The following SLC2A13 variants were observed in gnomAD, a reference collection of about 807,000 sequenced individuals.
The protein encoded by SLC2A13 is proton myo-inositol cotransporter.
Under a neutral mutation model 64.4 loss-of-function variants are expected in SLC2A13, and 32 were observed. The ratio of observed to expected loss-of-function variants is 0.50; its 90% confidence interval spans 0.37 to 0.67. SLC2A13 has a LOEUF of 0.67. Among genes scored for constraint, SLC2A13 ranks in the 30% least tolerant of loss-of-function variants. The pLI is 0.00. For synonymous variants in SLC2A13, 338 were observed against 327.1 expected (o/e 1.03, Z -0.36); for missense variants, 743 against 829.2 (o/e 0.90, Z 1.28).
intron 4 of SLC2A13, chr12:39,950,052 G>A (rs73278698): frequency 1.7e-3 from 261 of 152,250 alleles, no homozygotes; most frequent in African/African-American, 6.0e-3. Flanking sequence ...ATGTAGTCTC[G>A]AAAGTTGAAG....
At chr12:39,952,798 G>A (rs536991363) in intron 3 of SLC2A13, among the ~76,000 whole-genome samples, 2 of 152,278 alleles carry the variant, frequency 1.3e-5, no homozygotes, top group African/African-American at 4.8e-5. Flanking sequence ...GAAAGACTGT[G>A]TGAAACAGGT....
chr12:39,918,115 A>G (rs1042812761), intron 4 of SLC2A13, among the ~76,000 whole-genome samples: 1 of 152,110 alleles, frequency 6.6e-6, no homozygotes, highest in African/African-American at 2.4e-5. Context: ...TTGTACATCT[A>G]GATAATACTG....
At chr12:39,817,159 A>G (rs1259959734) in intron 7 of SLC2A13, among the ~76,000 whole-genome samples, 1 of 152,236 alleles carries the variant, frequency 6.6e-6, no homozygotes, top group African/African-American at 2.4e-5. Flanking sequence ...ATTGGGAAAA[A>G]GTGTACTAAT....
chr12:40,058,082 T>TAGATAGATAGATAGAC (rs1555158651), intron 1 of SLC2A13, among the ~76,000 whole-genome samples: 5 of 151,192 alleles, frequency 3.3e-5, no homozygotes, highest in African/African-American at 1.2e-4. Context: ...GATAGATAGA[T>TAGATAGATAGATAGAC]AGATAGATTG....
intron 9 of SLC2A13, among the ~76,000 whole-genome samples, chr12:39,762,806 A>G (rs1192988838): frequency 1.3e-5 from 2 of 152,076 alleles, no homozygotes; most frequent in Non-Finnish European, 2.9e-5. Context: ...AGTAGACCAA[A>G]TGGACCAGTG....
intron 6 of SLC2A13, among the ~76,000 whole-genome samples, chr12:39,837,637 T>A (rs997801407): frequency 6.5e-4 from 97 of 149,442 alleles, no homozygotes; most frequent in Admixed American, 1.0e-3. Flanking sequence ...CTCCAACAAA[T>A]TTACAAGAAA....
chr12:39,795,505 C>G (rs1941545090), intron 7 of SLC2A13, among the ~76,000 whole-genome samples: 1 of 152,142 alleles, frequency 6.6e-6, no homozygotes, highest in Admixed American at 6.6e-5. Flanking sequence ...CAGCTGATGA[C>G]TGGGTGTTTC....
chr12:39,971,997 A>AAATATATATATATATATATATAT lies in SLC2A13; in HGVS notation c.926-20633_926-20632insATATATATATATATATATATATT, dbSNP rs1375405006. On this transcript the variant is annotated intron_variant, in intron 3 of 9. Transcript: ENST00000280871. Reference sequence around the variant, plus strand: ...GAGTGTCTCCAGAAAAAAAAAAAAAAATATATATATATATATATTTTTTTT... The same window carrying AAATATATATATATATATATATAT: ...GAGTGTCTCCAGAAAAAAAAAAAAAAAATATATATATATATATATATATATATATATATATATATATTTTTTTT... 1.4e-3 allele frequency among the ~76,000 whole-genome samples: 111 copies of AAATATATATATATATATATATAT among 77,244 alleles called. 1 individual carries two copies. Among genetic ancestry groups the AAATATATATATATATATATATAT allele is most frequent in the Non-Finnish European group, 2.3e-3 (91 of 40,208 alleles). The allele number at this position is 77,244 out of a possible 152,430, so 50.7% of individuals were successfully genotyped here.
At chr12:40,028,250 A>G in intron 3 of SLC2A13, 51 bp downstream of exon 3, 5 of 1,366,332 alleles carry the variant, frequency 3.7e-6, no homozygotes, top group Non-Finnish European at 5.1e-6. Context: ...ATAATGACAA[A>G]TAAGACCACT....
intron 7 of SLC2A13, among the ~76,000 whole-genome samples, chr12:39,804,576 G>A (rs549359498): frequency 1.3e-5 from 2 of 152,110 alleles, no homozygotes; most frequent in East Asian, 1.9e-4. Context: ...ATATTAATAT[G>A]GCATAAAGGA....
At chr12:39,874,954 T>C (rs934697963) in intron 4 of SLC2A13, among the ~76,000 whole-genome samples, 2 of 152,234 alleles carry the variant, frequency 1.3e-5, no homozygotes, top group African/African-American at 4.8e-5. Flanking sequence ...TGAAATTCAC[T>C]GACAGCCTTG....
chr12:40,077,886 C>T (rs1407561097), intron 1 of SLC2A13, among the ~76,000 whole-genome samples: 3 of 152,032 alleles, frequency 2.0e-5, no homozygotes, highest in Admixed American at 2.0e-4. Context: ...TAGCTGTATT[C>T]CTAGATATTT....
rs28740231 is a variant in SLC2A13 at position 39,997,352 on chromosome 12, G to T, written c.925+30949C>A. On this transcript the variant is annotated intron_variant, in intron 3 of 9. Transcript: ENST00000280871. Reference sequence around the variant, plus strand: ...AGCCATGTGTAAGAGAATGAAACTGGATCCTCATCTCTCACCTTATACAAA... The same window carrying T: ...AGCCATGTGTAAGAGAATGAAACTGTATCCTCATCTCTCACCTTATACAAA... 3.1e-3 allele frequency among the ~76,000 whole-genome samples: 469 copies of T among 152,186 alleles called. 5 individuals carry two copies. Among genetic ancestry groups the T allele is most frequent in the East Asian group, 0.026 (137 of 5,174 alleles).
rs184780434 is a variant in SLC2A13 at position 39,891,455 on chromosome 12, T to C, written c.1035-19494A>G. On this transcript the variant is annotated intron_variant, in intron 4 of 9. Coordinates refer to ENST00000280871, the MANE Select transcript of SLC2A13 (RefSeq NM_052885.4). ...CATGAATACTTTAAGCCAAAAAAGA[T>C]TGGAGGCTTGTGATTTATCTTAAGA... Among the ~76,000 whole-genome samples, 116 of 152,244 alleles carry C rather than the reference T, an allele frequency of 7.6e-4. No homozygotes were observed. The Middle Eastern group carries it at 0.01, about 13-fold the overall frequency.
At chr12:39,952,376 G>C (rs568012395) in intron 3 of SLC2A13, among the ~76,000 whole-genome samples, 1 of 152,148 alleles carries the variant, frequency 6.6e-6, no homozygotes, top group Non-Finnish European at 1.5e-5. Context: ...TCCAAGTTTT[G>C]TTAATGAACT....
chr12:40,047,939 T>C, intron 2 of SLC2A13, 112 bp downstream of exon 2: 1 of 998,300 alleles, frequency 1.0e-6, no homozygotes, highest in Non-Finnish European at 1.4e-6. Context: ...ACTTATAAAT[T>C]AGCAATAATG....
At chr12:39,958,502 T>C (rs1275846049) in intron 3 of SLC2A13, among the ~76,000 whole-genome samples, 1 of 152,212 alleles carries the variant, frequency 6.6e-6, no homozygotes, top group African/African-American at 2.4e-5. Flanking sequence ...AAGCCTAATA[T>C]GTGGTCTCAA....
intron 3 of SLC2A13, among the ~76,000 whole-genome samples, chr12:40,019,597 T>A (rs1160466191): frequency 1.3e-5 from 2 of 152,182 alleles, no homozygotes; most frequent in Non-Finnish European, 2.9e-5. Context: ...AAAGGGAGAA[T>A]GTGTTTCTAT....
At chr12:39,813,391 CT>C (rs940731232) in intron 7 of SLC2A13, among the ~76,000 whole-genome samples, 23 of 152,082 alleles carry the variant, frequency 1.5e-4, no homozygotes, top group African/African-American at 5.6e-4. Context: ...CTTTCAACAA[CT>C]GTAAACACAT....
Sources: allele counts gnomAD v4.1 joint callset (sites outside exome capture counted in the v4.1 genomes callset), GRCh38; gene constraint gnomAD v4.1.1; transcripts MANE v1.5; gene names NCBI Gene and HGNC (gene_info 2026-07-23, HGNC 2026-07-21).